DMD: variants seen among roughly 807,000 people sequenced by gnomAD.
The protein encoded by DMD is mutant dystrophin.
Under a neutral mutation model 330.1 loss-of-function variants are expected in DMD, and 63 were observed. The ratio of observed to expected loss-of-function variants is 0.19; its 90% CI spans 0.16 to 0.24. The LOEUF (loss-of-function observed/expected upper bound fraction) is 0.24, where lower values mean the gene tolerates loss of function less well. Ranked by LOEUF, DMD falls within the 10% of genes least tolerant of loss-of-function variation. The pLI is 1.00. For missense variants in DMD, 3,344 were observed against 2,684.1 expected (o/e 1.25, Z -5.43); for synonymous variants, 1,223 against 959.8 (o/e 1.27, Z -5.07).
chrX:31,390,881 A>T (rs776203868), intron 60 of DMD, among the ~76,000 whole-genome samples: 1 of 111,364 alleles, frequency 9.0e-6, no homozygotes, highest in Non-Finnish European at 1.9e-5. Context: ...TTCTCTGCTT[A>T]CCCATAAAAT....
intron 21 of DMD, among the ~76,000 whole-genome samples, chrX:32,483,750 T>A (rs1281275612): frequency 2.1e-5 from 2 of 95,790 alleles, no homozygotes; most frequent in South Asian, 5.2e-4. Context: ...TAGAGGGAGC[T>A]GATACTATTT....
chrX:31,767,034 C>G (rs2090046134), intron 51 of DMD, among the ~76,000 whole-genome samples: 1 of 110,986 alleles, frequency 9.0e-6, no homozygotes, highest in Admixed American at 9.6e-5. Context: ...GATTTGGTCT[C>G]ATTAGGTAAA....
At chrX:32,814,508 TTAGA>T (rs766167549) in intron 6 of DMD, among the ~76,000 whole-genome samples, 59 of 112,086 alleles carry the variant, frequency 5.3e-4, no homozygotes, top group Non-Finnish European at 9.8e-4. Context: ...ATTTTTTTCT[TTAGA>T]TAAAGAATAT....
At chrX:31,922,261 G>C (rs2094700598) in intron 47 of DMD, among the ~76,000 whole-genome samples, 1 of 111,410 alleles carries the variant, frequency 9.0e-6, no homozygotes, top group Non-Finnish European at 1.9e-5. Flanking sequence ...TGCACTCAGG[G>C]AGGGCATGGA....
intron 1 of DMD, among the ~76,000 whole-genome samples, chrX:33,265,273 G>C (rs2053024424): frequency 9.0e-6 from 1 of 110,623 alleles, no homozygotes; most frequent in Non-Finnish European, 1.9e-5. Context: ...AACACACCCG[G>C]AGGGCTCTTG....
At chrX:31,925,735 G>A (rs1439444857) in intron 47 of DMD, among the ~76,000 whole-genome samples, 2 of 109,820 alleles carry the variant, frequency 1.8e-5, no homozygotes, top group South Asian at 4.0e-4. Flanking sequence ...AGCCAGGCGT[G>A]GTGGTGCATG....
chrX:32,495,516 G>A (rs182281953), intron 19 of DMD, among the ~76,000 whole-genome samples: 283 of 111,502 alleles, frequency 2.5e-3, no homozygotes, highest in Middle Eastern at 4.6e-3. Flanking sequence ...GTTAATAACC[G>A]ACACTGTCAC....
At chrX:32,338,167 T>A (rs955862386) in intron 41 of DMD, among the ~76,000 whole-genome samples, 1 of 111,599 alleles carries the variant, frequency 9.0e-6, no homozygotes, top group East Asian at 2.8e-4. Flanking sequence ...TCAGTCAATA[T>A]TGTCATCCTG....
At chrX:32,750,593 C>A (rs1456047047) in intron 7 of DMD, among the ~76,000 whole-genome samples, 1 of 110,467 alleles carries the variant, frequency 9.1e-6, no homozygotes, top group African/African-American at 3.3e-5. Context: ...AACTCCTAGG[C>A]AGATAGGGGT....
At position 31,578,831 on chromosome X, in the gene DMD, C is replaced by T. The variant is rs2076220732; in HGVS notation, c.8217+48842G>A. 5.3e-5 allele frequency among the ~76,000 whole-genome samples: 6 copies of T among 112,186 alleles called. No homozygotes were observed. The Admixed American group carries it at 5.7e-4, about 11-fold the overall frequency. ...ATTTATTTAACTTCATTTCAACCAA[C>T]AATTATTATTAACAACAACCACGTA... On this transcript the variant is annotated intron_variant, in intron 55 of 78. Transcript: ENST00000357033.
chrX:31,877,665 T>A (rs1193801420), intron 47 of DMD, among the ~76,000 whole-genome samples: 1 of 44,932 alleles, frequency 2.2e-5, no homozygotes, highest in Non-Finnish European at 4.1e-5. Flanking sequence ...GGTGCTGAAC[T>A]CTTGTGTGTG....
intron 2 of DMD, among the ~76,000 whole-genome samples, chrX:32,853,788 A>T: frequency 9.8e-6 from 1 of 101,838 alleles, no homozygotes; most frequent in African/African-American, 3.6e-5. Flanking sequence ...AAAAAAAAAC[A>T]AACAACAACA....
chrX:32,630,381 A>G (rs934464649), intron 11 of DMD, among the ~76,000 whole-genome samples: 2 of 108,335 alleles, frequency 1.8e-5, no homozygotes, highest in Admixed American at 2.0e-4. Context: ...TGACCTTTGG[A>G]AGTTTGATTT....
At chrX:32,160,956 C>T (rs1179836683) in intron 44 of DMD, among the ~76,000 whole-genome samples, 1 of 111,401 alleles carries the variant, frequency 9.0e-6, no homozygotes, top group Non-Finnish European at 1.9e-5. Context: ...ACAATAAATT[C>T]CTACTTATGT....
At chrX:31,409,881 C>T (rs748659918) in intron 60 of DMD, among the ~76,000 whole-genome samples, 35 of 111,973 alleles carry the variant, frequency 3.1e-4, no homozygotes, top group Non-Finnish European at 5.8e-4. Context: ...GGCAGTGACA[C>T]GATCTCTGCT....
intron 2 of DMD, among the ~76,000 whole-genome samples, chrX:32,894,454 G>A (rs954481830): frequency 2.7e-5 from 3 of 112,783 alleles, no homozygotes; most frequent in East Asian, 2.8e-4. Context: ...TGATGGCGGC[G>A]GTGGGATGAG....
At chrX:31,524,308 G>C (rs1343099472) in intron 55 of DMD, among the ~76,000 whole-genome samples, 1 of 112,105 alleles carries the variant, frequency 8.9e-6, no homozygotes, top group Admixed American at 9.5e-5. Flanking sequence ...CTGTCTGATG[G>C]TAATGTTTTA....
intron 49 of DMD, among the ~76,000 whole-genome samples, chrX:31,833,273 GGAGA>G (rs1248049970): frequency 6.0e-5 from 3 of 49,855 alleles, no homozygotes; most frequent in Admixed American, 2.4e-4. Context: ...GGAGGAAGGG[GGAGA>G]GAGAGAGAGA....
chrX:31,723,669 C>CACACACAT (rs1556847660), intron 52 of DMD, among the ~76,000 whole-genome samples: 2 of 107,143 alleles, frequency 1.9e-5, no homozygotes, highest in African/African-American at 6.9e-5. Flanking sequence ...CACACACACA[C>CACACACAT]TCCCATGCTG....
Sources: allele counts gnomAD v4.1 joint callset (sites outside exome capture counted in the v4.1 genomes callset), GRCh38; gene constraint gnomAD v4.1.1; transcripts MANE v1.5; gene names NCBI Gene and HGNC (gene_info 2026-07-23, HGNC 2026-07-21).